Variants in SSH3 observed in about 807,000 individuals in gnomAD.
SSH3 encodes slingshot protein phosphatase 3, also known as protein phosphatase Slingshot homolog 3.
Under a neutral mutation model 75.0 loss-of-function variants are expected in SSH3, and 67 were observed. That is an observed-to-expected ratio of 0.89 (90% CI 0.73 to 1.10). SSH3 has a LOEUF of 1.10. Among genes scored for constraint, SSH3 ranks in the 50% least tolerant of loss-of-function variants. The pLI is 0.00. For missense variants in SSH3, 824 were observed against 872.7 expected (o/e 0.94, Z 0.70); for synonymous variants, 318 against 349.2 (o/e 0.91, Z 1.00).
chr11:67,303,993 C>G lies in SSH3; in HGVS notation c.67-125C>G, dbSNP rs1023343786. 3.9e-6 allele frequency: 5 copies of G among 1,275,150 alleles called. No homozygotes were observed. In the African/African-American group the frequency reaches 6.1e-5, roughly 15 times the overall value. 79.0% of individuals were successfully genotyped at this position (1,275,150 alleles called of 1,614,324 possible). A position where few individuals can be genotyped will look rare whatever the true frequency, so the allele number is the denominator to read the frequency against. ...ACGGGGCCTCCCGGTGGGGCGTGGA[C>G]TGGGGTGGGAAGACGATTGGCATCT... On this transcript the variant is annotated intron_variant, in intron 1 of 13. Coordinates refer to ENST00000308127, the MANE Select transcript of SSH3 (RefSeq NM_017857.4).
At position 67,304,784 on chromosome 11, in the gene SSH3, C is replaced by T. The variant is rs769624282; in HGVS notation, c.116C>T (p.Ala39Val). 8.7e-6 allele frequency: 14 copies of T among 1,603,916 alleles called. No individual in the cohort carries two copies. Among genetic ancestry groups the T allele is most frequent in the South Asian group, 3.4e-5 (3 of 89,526 alleles). ...RSRLQRRQSFAVLRGAVLGLQ... is the reference protein window; with the variant it reads ...RSRLQRRQSFVVLRGAVLGLQ... Reference sequence around the variant, plus strand: ...CACTGCCCTGCCAGGCAGAGCTTTGCGGTGCTCCGTGGGGCTGTCCTGGGA... The same window carrying T: ...CACTGCCCTGCCAGGCAGAGCTTTGTGGTGCTCCGTGGGGCTGTCCTGGGA... The change falls in exon 3 of 14, where the codon GCG becomes GTG. Residue 39 changes from alanine (A) to valine (V), a missense_variant. Ala to Val is a moderately conservative substitution (Grantham distance 64). Coordinates refer to ENST00000308127, the MANE Select transcript of SSH3 (RefSeq NM_017857.4).
At position 67,311,671 on chromosome 11, in the gene SSH3, G is replaced by T. The variant is rs1260601184; in HGVS notation, c.1764G>T (p.Gln588His). 6.2e-7 allele frequency: 1 copy of T among 1,614,132 alleles called. No homozygotes were observed. Among genetic ancestry groups the T allele is most frequent in the Admixed American group, 1.7e-5 (1 of 60,018 alleles). The change falls in exon 14 of 14, where the codon CAG (glutamine) becomes CAT (histidine). Residue 588 changes from glutamine to histidine, a missense_variant. Gln to His is a conservative substitution (Grantham distance 24). Transcript: ENST00000308127. ...PQLARTKGGQ[Q>H]VDRGPQPALK... Reference sequence around the variant, plus strand: ...TTGCAAGGACCAAGGGAGGCCAGCAGGTGGACAGGGGGCCTCAGCCTGCCC... The same window carrying T: ...TTGCAAGGACCAAGGGAGGCCAGCATGTGGACAGGGGGCCTCAGCCTGCCC...
chr11:67,308,299 C>A lies in SSH3; in HGVS notation c.1011C>A (p.Tyr337Ter). The A allele has an allele frequency of 6.2e-7, 1 of 1,614,146 alleles. No homozygotes were observed. The highest frequency in any genetic ancestry group is 8.5e-7 in the Non-Finnish European group (1 of 1,180,030). Residue 337 changes from tyrosine to a stop codon, truncating the protein, a stop_gained, in exon 9 of 14, where the codon TAC becomes TAA. Transcript: ENST00000308127. LOFTEE classifies it high-confidence loss of function. The surrounding 1 kb of genome is among the most constrained non-coding windows in gnomAD (Gnocchi z 4.9). ...CCTCCCGCATCTTCCCCCACCTCTA[C>A]CTGGTGAGCTTCAGCCAGGCCTGGG... ...DRASRIFPHL[Y>*]LGSEWNAANL...
Position 67,308,121 on chromosome 11 carries a change from A to C in SSH3, c.886-53A>C. The C allele has an allele frequency of 6.3e-7, 1 of 1,593,868 alleles. No individual in the cohort carries two copies. The highest frequency in any genetic ancestry group is 8.5e-7 in the Non-Finnish European group (1 of 1,170,126). Reference sequence around the variant, plus strand: ...TCAGAGGTCCCAGAGGGAAGGTGGCAGGTTGGGCACTAGGAGAGCCCCAGC... The same window carrying C: ...TCAGAGGTCCCAGAGGGAAGGTGGCCGGTTGGGCACTAGGAGAGCCCCAGC... On this transcript the variant is annotated intron_variant, in intron 8 of 13. Coordinates refer to ENST00000308127, the MANE Select transcript of SSH3 (RefSeq NM_017857.4). The surrounding 1 kb of genome is among the most constrained non-coding windows in gnomAD (Gnocchi z 4.9).
chr11:67,311,831 C>T lies in SSH3; in HGVS notation c.1924C>T (p.Arg642Trp), dbSNP rs143186320. 1.0e-4 allele frequency: 161 copies of T among 1,612,938 alleles called. 1 individual carries two copies. The highest frequency in any genetic ancestry group is 1.3e-4 in the Non-Finnish European group (151 of 1,180,012). The stretch of plus-strand genomic sequence containing the variant: ...CTGCATTTCCTCTACGCCCAGGTTC[C>T]GGAAGGTGGTGAGACAGGCCAGCGT... ...EPCISSTPRF[R>W]KVVRQASVHD... The change falls in exon 14 of 14, where the codon CGG becomes TGG. Residue 642 changes from arginine to tryptophan, a missense_variant. Transcript: ENST00000308127.
At position 67,309,345 on chromosome 11, in the gene SSH3, T is replaced by C. The variant is rs565128675; in HGVS notation, c.1062-52T>C. 3.2e-5 allele frequency: 52 copies of C among 1,605,846 alleles called. No homozygotes were observed. The South Asian group carries it at 5.0e-4, about 15-fold the overall frequency. ...AGGGGCTGCCAGGTCCGATTGCCAGTGGGCCTGGTACCTCTGCCCACATCA... is the reference window on the plus strand; with the variant it reads ...AGGGGCTGCCAGGTCCGATTGCCAGCGGGCCTGGTACCTCTGCCCACATCA... On this transcript the variant is annotated intron_variant, in intron 10 of 13. Coordinates refer to ENST00000308127, the MANE Select transcript of SSH3 (RefSeq NM_017857.4).
rs1164299707 is a variant in SSH3 at position 67,310,260 on chromosome 11, G to A, written c.1604G>A (p.Arg535Gln). The change falls in exon 13 of 14, where the codon CGA (arginine) becomes CAA (glutamine). Residue 535 changes from arginine to glutamine, a missense_variant. Coordinates refer to ENST00000308127, the MANE Select transcript of SSH3 (RefSeq NM_017857.4). The stretch of plus-strand genomic sequence containing the variant: ...GGGCCACGGCCACGTATAAACCTCC[G>A]AGGGGTCATGAGGTCCATCAGTCTT... ...EPGPRPRINL[R>Q]GVMRSISLLE... 15 of 1,614,066 alleles carry A rather than the reference G, an allele frequency of 9.3e-6. No individual in the cohort carries two copies. The highest frequency in any genetic ancestry group is 1.3e-5 in the African/African-American group (1 of 74,936).
chr11:67,305,792 G>A (rs1184883003), intron 3 of SSH3, among the ~76,000 whole-genome samples: 2 of 152,122 alleles, frequency 1.3e-5, no homozygotes, highest in Non-Finnish European at 2.9e-5. Flanking sequence ...GAGCTGGAGC[G>A]CTCATGCTCA....
intron 1 of SSH3, 33 bp from the exon 2 acceptor site, chr11:67,304,085 C>T (rs768811228): frequency 6.4e-7 from 1 of 1,561,182 alleles, no homozygotes; most frequent in East Asian, 2.3e-5. Flanking sequence ...CCCTCCCCGC[C>T]CTCACCCTGC....
Position 67,308,808 on chromosome 11 carries a change from G to T in SSH3, c.1061+350G>T, listed in dbSNP as rs903322929. Among the ~76,000 whole-genome samples the T allele has an allele frequency of 6.6e-6, 1 of 152,128 alleles. No homozygotes were observed. The highest frequency in any genetic ancestry group is 2.4e-5 in the African/African-American group (1 of 41,434). ...TGCGCCTGTGGGCCCAGCTACTTGG[G>T]AGGCTGAGGCAGGAGGATCGCTTGA... On this transcript the variant is annotated intron_variant, in intron 10 of 13. Transcript: ENST00000308127. The surrounding 1 kb of genome is among the most constrained non-coding windows in gnomAD (Gnocchi z 4.9).
At chr11:67,309,713 G>A in intron 11 of SSH3, 55 bp from the exon 12 acceptor site, 1 of 1,602,406 alleles carries the variant, frequency 6.2e-7, no homozygotes, top group Non-Finnish European at 8.5e-7. Flanking sequence ...TCCCCTGCAG[G>A]AGGCGGGATC....
chr11:67,303,590 G>T lies in SSH3; in HGVS notation c.-36G>T. 3 of 1,515,566 alleles carry T rather than the reference G, an allele frequency of 2.0e-6. No individual in the cohort carries two copies. The highest frequency in any genetic ancestry group is 8.8e-7 in the Non-Finnish European group (1 of 1,137,504). 93.9% of individuals were successfully genotyped at this position (1,515,566 alleles called of 1,614,324 possible). ...CCGCGGGGTTGAGGGAAGGGGCCGT[G>T]CCCGGTGCCAGCCCAGGTGCTCGCG... is the stretch of plus-strand genomic sequence containing the variant. On this transcript the variant is annotated 5_prime_UTR_variant, in exon 1 of 14. Transcript: ENST00000308127.
Position 67,303,639 on chromosome 11 carries a change from C to G in SSH3, c.14C>G (p.Thr5Arg). ...CGGCCTGGCTCCATGGCCCTGGTCACAGTGAGCCGTTCGCCCCCGGGCAGC... is the reference window on the plus strand; with the variant it reads ...CGGCCTGGCTCCATGGCCCTGGTCAGAGTGAGCCGTTCGCCCCCGGGCAGC... MALV[T>R]VSRSPPGSGA... is the part of the protein sequence containing the mutation. The change falls in exon 1 of 14, where the codon ACA (threonine) becomes AGA (arginine). Residue 5 changes from threonine (T) to arginine (R), a missense_variant. Transcript: ENST00000308127. The G allele has an allele frequency of 6.6e-7, 1 of 1,515,184 alleles. No homozygotes were observed. The highest frequency in any genetic ancestry group is 8.8e-7 in the Non-Finnish European group (1 of 1,138,254). The allele number at this position is 1,515,184 out of a possible 1,614,324, so 93.9% of individuals were successfully genotyped here.
chr11:67,311,456 C>T (rs987180337), intron 13 of SSH3, 135 bp from the exon 14 acceptor site: 1 of 1,173,910 alleles, frequency 8.5e-7, no homozygotes, highest in Admixed American at 2.2e-5. Context: ...GGCGTGCGTG[C>T]CACAAACATT....
Position 67,311,617 on chromosome 11 carries a change from T to C in SSH3, c.1710T>C (p.His570=). The change falls in exon 14 of 14, where the codon CAT becomes CAC. Residue 570 remains histidine, a synonymous_variant. Transcript: ENST00000308127. ...PEVFSSHESS[H]EEPLQPFPQL... is the part of the protein sequence containing the mutation. ...TCTTCTCTTCCCACGAGTCTTCACA[T>C]GAAGAGCCTCTGCAGCCCTTCCCAC... The C allele has an allele frequency of 6.2e-7, 1 of 1,614,072 alleles. No individual in the cohort carries two copies. Among genetic ancestry groups the C allele is most frequent in the Non-Finnish European group, 8.5e-7 (1 of 1,180,012 alleles).
chr11:67,308,752 C>A lies in SSH3; in HGVS notation c.1061+294C>A, dbSNP rs1565089783. On this transcript the variant is annotated intron_variant, in intron 10 of 13. Coordinates refer to ENST00000308127, the MANE Select transcript of SSH3 (RefSeq NM_017857.4). This position sits in a 1 kb window ranked among gnomAD's most constrained non-coding sequence, Gnocchi z 4.9. ...CAGCAGCGCATACTGCTGTAACTGCCTTGGACAAGCAGAAAAAGGCTCCTC... is the reference window on the plus strand; with the variant it reads ...CAGCAGCGCATACTGCTGTAACTGCATTGGACAAGCAGAAAAAGGCTCCTC... Among the ~76,000 whole-genome samples the A allele has an allele frequency of 6.6e-6, 1 of 151,786 alleles. No homozygotes were observed. Among genetic ancestry groups the A allele is most frequent in the Non-Finnish European group, 1.5e-5 (1 of 67,982 alleles).
Position 67,308,360 on chromosome 11 carries a change from C to G in SSH3, c.1015-52C>G. The G allele has an allele frequency of 6.2e-7, 1 of 1,613,676 alleles. No individual in the cohort carries two copies. The highest frequency in any genetic ancestry group is 8.5e-7 in the Non-Finnish European group (1 of 1,179,640). Reference sequence around the variant, plus strand: ...CGCTGGCAGCTGTGAGGGCGGCAGGCCAGGAGCAGAGGCTGGAGGAGAGGA... The same window carrying G: ...CGCTGGCAGCTGTGAGGGCGGCAGGGCAGGAGCAGAGGCTGGAGGAGAGGA... On this transcript the variant is annotated intron_variant, in intron 9 of 13. Transcript: ENST00000308127. This position sits in a 1 kb window ranked among gnomAD's most constrained non-coding sequence, Gnocchi z 4.9.
At position 67,310,133 on chromosome 11, in the gene SSH3, G is replaced by T. The variant is rs768220266; in HGVS notation, c.1477G>T (p.Val493Phe). ...CCCAGAGGAGCACCCAGCCCCTGAA[G>T]TCTCTACACCATTCCCACCTCTTCC... The part of the protein sequence containing the change: ...VSPEEHPAPE[V>F]STPFPPLPPE... Residue 493 changes from valine to phenylalanine, a missense_variant, in exon 13 of 14, where the codon GTC becomes TTC. Transcript: ENST00000308127. The T allele has an allele frequency of 3.7e-6, 6 of 1,614,206 alleles. No homozygotes were observed. Among genetic ancestry groups the T allele is most frequent in the Non-Finnish European group, 5.1e-6 (6 of 1,180,046 alleles).
At chr11:67,303,861 C>T (rs948733672) in intron 1 of SSH3, 170 bp downstream of exon 1, 3 of 766,010 alleles carry the variant, frequency 3.9e-6, no homozygotes, top group Non-Finnish European at 5.8e-6. Context: ...CGCCGGGGCA[C>T]AATCCAGAGC....
Sources: allele counts gnomAD v4.1 joint callset (sites outside exome capture counted in the v4.1 genomes callset), GRCh38; gene constraint gnomAD v4.1.1; non-coding constraint Gnocchi (gnomAD v3.1); transcripts MANE v1.5; gene names NCBI Gene and HGNC (gene_info 2026-07-23, HGNC 2026-07-21).